The following ATP2B2 variants were observed in gnomAD, a reference collection of about 807,000 sequenced individuals.
ATP2B2 encodes ATPase plasma membrane Ca2+ transporting 2, also known as plasma membrane calcium-transporting ATPase 2.
ATP2B2 carries 15 observed loss-of-function variants against 120.0 expected under a neutral mutation model. The observed-to-expected ratio is 0.12, with a 90% CI of 0.08 to 0.19. The LOEUF (loss-of-function observed/expected upper bound fraction) is 0.19, where lower values mean the gene tolerates loss of function less well. Ranked by LOEUF, ATP2B2 falls within the 10% of genes least tolerant of loss-of-function variation. The pLI is 1.00. For missense variants in ATP2B2, 1,045 were observed against 1,719.8 expected (o/e 0.61, Z 6.94); for synonymous variants, 694 against 700.3 (o/e 0.99, Z 0.14).
chr3:10,371,713 T>C lies in ATP2B2; in HGVS notation c.1659+96A>G. 3.8e-6 allele frequency: 6 copies of C among 1,580,588 alleles called. No individual in the cohort carries two copies. The South Asian group carries it at 5.7e-5, about 15-fold the overall frequency. On this transcript the variant is annotated intron_variant, in intron 12 of 22. Coordinates refer to ENST00000360273, the MANE Select transcript of ATP2B2 (RefSeq NM_001001331.4). Reference sequence around the variant, plus strand: ...CCATACCAAAATATATTAGCAGGATTTGAGACTATGAATCACATTGCTCAA... The same window carrying C: ...CCATACCAAAATATATTAGCAGGATCTGAGACTATGAATCACATTGCTCAA...
At chr3:10,388,475 G>GT in intron 5 of ATP2B2, 73 bp from the exon 6 acceptor site, 1 of 1,610,216 alleles carries the variant, frequency 6.2e-7, no homozygotes, top group Non-Finnish European at 8.5e-7. Flanking sequence ...GAAAAAATGT[G>GT]GTCTCAGTCA....
At chr3:10,588,868 C>A (rs2068577239) in intron 2 of ATP2B2, among the ~76,000 whole-genome samples, 1 of 152,150 alleles carries the variant, frequency 6.6e-6, no homozygotes, top group Non-Finnish European at 1.5e-5. Flanking sequence ...CTGGAAATAG[C>A]CTCCCTTTTA....
intron 2 of ATP2B2, among the ~76,000 whole-genome samples, chr3:10,582,197 T>C (rs557402595): frequency 6.6e-6 from 1 of 152,276 alleles, no homozygotes; most frequent in South Asian, 2.1e-4. Context: ...GGTCGTTGTT[T>C]CTTGGGGGGA....
At chr3:10,621,628 G>A (rs2069550816) in intron 1 of ATP2B2, among the ~76,000 whole-genome samples, 1 of 152,230 alleles carries the variant, frequency 6.6e-6, no homozygotes, top group South Asian at 2.1e-4. Flanking sequence ...GCCATGTCAG[G>A]AGACGGGGAG....
At chr3:10,369,587 A>C (rs779652180) in intron 12 of ATP2B2, among the ~76,000 whole-genome samples, 2 of 152,106 alleles carry the variant, frequency 1.3e-5, no homozygotes, top group Admixed American at 6.6e-5. Flanking sequence ...CATTGCTACA[A>C]ATGGAATCCT....
At chr3:10,331,520 C>T (rs1420952281) in intron 22 of ATP2B2, among the ~76,000 whole-genome samples, 1 of 152,154 alleles carries the variant, frequency 6.6e-6, no homozygotes, top group Admixed American at 6.5e-5. Flanking sequence ...CTCCGCCCTC[C>T]CCGTGGCATG....
chr3:10,394,441 G>A (rs1162013445), intron 5 of ATP2B2: 5 of 470,834 alleles, frequency 1.1e-5, no homozygotes, highest in Non-Finnish European at 2.2e-5. Context: ...GAGAGCTTGA[G>A]TGATGGCCCA....
chr3:10,359,935 G>T lies in ATP2B2; in HGVS notation c.1848C>A (p.Pro616=). 1.2e-6 allele frequency: 2 copies of T among 1,614,140 alleles called. No individual in the cohort carries two copies. Among genetic ancestry groups the T allele is most frequent in the Non-Finnish European group, 1.7e-6 (2 of 1,180,018 alleles). The change falls in exon 13 of 23, where the codon CCC becomes CCA. Residue 616 remains proline, a synonymous_variant. Coordinates refer to ENST00000360273, the MANE Select transcript of ATP2B2 (RefSeq NM_001001331.4). ...TGCTGTACATGCGGAAGCTCTCGTCGGGCAGCTTGATGACAGTGCTCATGG... is the reference window on the plus strand; with the variant it reads ...TGCTGTACATGCGGAAGCTCTCGTCTGGCAGCTTGATGACAGTGCTCATGG... The part of the protein sequence containing the change: ...RKSMSTVIKL[P]DESFRMYSKG...
chr3:10,613,959 A>G (rs904336167), intron 2 of ATP2B2, among the ~76,000 whole-genome samples: 7 of 151,848 alleles, frequency 4.6e-5, no homozygotes, highest in Admixed American at 2.0e-4. Flanking sequence ...AGCCTGCCTC[A>G]GGCTTTTGCT....
chr3:10,400,846 G>T, intron 5 of ATP2B2, 107 bp downstream of exon 5: 1 of 1,547,430 alleles, frequency 6.5e-7, no homozygotes. Context: ...GGAGATACCA[G>T]AGCCAAGGAT....
intron 1 of ATP2B2, among the ~76,000 whole-genome samples, chr3:10,685,018 C>T (rs2071483357): frequency 6.6e-6 from 1 of 152,222 alleles, no homozygotes; most frequent in African/African-American, 2.4e-5. Context: ...AAAAGCCAAA[C>T]TGAGATCACT....
chr3:10,344,617 T>C (rs2060377422), intron 18 of ATP2B2, among the ~76,000 whole-genome samples: 1 of 152,218 alleles, frequency 6.6e-6, no homozygotes, highest in African/African-American at 2.4e-5. Context: ...GGGAGACCCA[T>C]TCTTGCCTCC....
At chr3:10,455,506 G>T (rs2064221032) in intron 1 of ATP2B2, among the ~76,000 whole-genome samples, 1 of 152,238 alleles carries the variant, frequency 6.6e-6, no homozygotes, top group African/African-American at 2.4e-5. Flanking sequence ...CTGCTGCAAG[G>T]ACTCAATGAG....
At chr3:10,435,128 C>G (rs476174) in intron 2 of ATP2B2, among the ~76,000 whole-genome samples, 1 of 152,142 alleles carries the variant, frequency 6.6e-6, no homozygotes, top group Non-Finnish European at 1.5e-5. Flanking sequence ...CTCTGTGCCT[C>G]GGTTTCCTCA....
At chr3:10,481,542 T>C (rs2065414244) in intron 1 of ATP2B2, among the ~76,000 whole-genome samples, 1 of 152,150 alleles carries the variant, frequency 6.6e-6, no homozygotes, top group South Asian at 2.1e-4. Flanking sequence ...CTATATTCTA[T>C]TTTATTTTAT....
chr3:10,344,245 A>G (rs538623393), intron 18 of ATP2B2, among the ~76,000 whole-genome samples: 22 of 152,266 alleles, frequency 1.4e-4, no homozygotes, highest in African/African-American at 5.1e-4. Flanking sequence ...GTGGTCTCAG[A>G]ATCTCAGTTT....
At chr3:10,459,211 C>G (rs1354116563) in intron 1 of ATP2B2, among the ~76,000 whole-genome samples, 1 of 152,270 alleles carries the variant, frequency 6.6e-6, no homozygotes, top group African/African-American at 2.4e-5. Context: ...ACTGCGGTGC[C>G]TGCCTTCCAA....
chr3:10,520,737 T>G (rs2066968250), intron 3 of ATP2B2, among the ~76,000 whole-genome samples: 1 of 149,788 alleles, frequency 6.7e-6, no homozygotes, highest in Non-Finnish European at 1.5e-5. Context: ...ATTACAGGCG[T>G]GAGCCACCAC....
chr3:10,606,962 G>A (rs2069100741), intron 2 of ATP2B2, among the ~76,000 whole-genome samples: 1 of 74,090 alleles, frequency 1.3e-5, no homozygotes, highest in Admixed American at 1.7e-4. Flanking sequence ...GGGAGGGGGG[G>A]AGAGAGAGAG....
Sources: gnomAD v4.1 joint callset for allele counts (sites outside exome capture counted in the v4.1 genomes callset) on GRCh38, gnomAD v4.1.1 for gene constraint, MANE v1.5 for transcripts, NCBI Gene and HGNC (gene_info 2026-07-23, HGNC 2026-07-21) for gene names.